CNTNAP2: variants seen among roughly 807,000 people sequenced by gnomAD.
CNTNAP2 encodes the protein contactin-associated protein-like 2.
Under a neutral mutation model 155.2 loss-of-function variants are expected in CNTNAP2, and 98 were observed. That is an observed-to-expected ratio of 0.63 (90% confidence interval 0.54 to 0.75). CNTNAP2 has a LOEUF of 0.75. CNTNAP2 is among the 30% of genes least tolerant of loss of function. CNTNAP2 has a pLI of 0.00. For missense variants in CNTNAP2, 1,727 were observed against 1,688.1 expected, an observed-to-expected ratio of 1.02 and a Z score of -0.40; for synonymous variants, 651 against 631.2, an observed-to-expected ratio of 1.03 and a Z score of -0.47.
intron 17 of CNTNAP2, among the ~76,000 whole-genome samples, chr7:148,148,716 G>T (rs1263495195): frequency 6.6e-6 from 1 of 152,214 alleles, no homozygotes; most frequent in Non-Finnish European, 1.5e-5. Context: ...GAAGCTTGAA[G>T]AGCGGTAGAA....
At chr7:146,481,005 AT>A (rs57393867) in intron 1 of CNTNAP2, among the ~76,000 whole-genome samples, 64 of 150,288 alleles carry the variant, frequency 4.3e-4, no homozygotes, top group South Asian at 2.5e-3. Context: ...ATTAATGAAA[AT>A]TTTTTTTTTC....
intron 1 of CNTNAP2, among the ~76,000 whole-genome samples, chr7:146,308,385 G>A (rs1363913730): frequency 6.6e-6 from 1 of 152,168 alleles, no homozygotes; most frequent in Non-Finnish European, 1.5e-5. Flanking sequence ...TGGTGGGATT[G>A]TAAACTAGTT....
At chr7:147,575,319 A>ATGTG (rs5888272) in intron 12 of CNTNAP2, among the ~76,000 whole-genome samples, 18 of 124,378 alleles carry the variant, frequency 1.4e-4, no homozygotes, top group African/African-American at 2.2e-4. Context: ...GGGTATATAT[A>ATGTG]TGTGTGTGTG....
chr7:146,322,242 C>T (rs1013211250), intron 1 of CNTNAP2, among the ~76,000 whole-genome samples: 2 of 152,186 alleles, frequency 1.3e-5, no homozygotes, highest in African/African-American at 4.8e-5. Context: ...CTGCCTGAAA[C>T]AGCCAGTATT....
intron 4 of CNTNAP2, chr7:147,085,792 C>G (rs1800264091): frequency 6.6e-6 from 1 of 152,142 alleles, no homozygotes; most frequent in Admixed American, 6.6e-5. Context: ...ATTCTGAAAT[C>G]CTTTTACAAG....
At chr7:147,800,758 C>T (rs1797970200) in intron 13 of CNTNAP2, among the ~76,000 whole-genome samples, 1 of 152,200 alleles carries the variant, frequency 6.6e-6, no homozygotes, top group Non-Finnish European at 1.5e-5. Context: ...AATGATGTTT[C>T]ATAATGATGG....
At chr7:147,095,186 ATTT>A (rs36113270) in intron 4 of CNTNAP2, among the ~76,000 whole-genome samples, 11 of 114,494 alleles carry the variant, frequency 9.6e-5, no homozygotes, top group Non-Finnish European at 1.1e-4. Flanking sequence ...CGCCTGGCTA[ATTT>A]TTTTTTTTTT....
intron 1 of CNTNAP2, among the ~76,000 whole-genome samples, chr7:146,543,746 A>G (rs1797988400): frequency 6.6e-6 from 1 of 151,966 alleles, no homozygotes; most frequent in Non-Finnish European, 1.5e-5. Context: ...TAGCAACTAA[A>G]CTATAAACTT....
intron 1 of CNTNAP2, among the ~76,000 whole-genome samples, chr7:146,227,931 T>C (rs1051526251): frequency 1.3e-5 from 2 of 152,224 alleles, no homozygotes; most frequent in Admixed American, 6.5e-5. Context: ...ACTGACATAC[T>C]TTCAAATTGC....
intron 1 of CNTNAP2, among the ~76,000 whole-genome samples, chr7:146,377,023 T>A (rs2191701): frequency 0.26 from 40,252 of 152,032 alleles, 6,518 homozygotes; most frequent in Admixed American, 0.42. Flanking sequence ...GAAAATAAAT[T>A]TCCATTCTTA....
chr7:147,041,986 G>A (rs961180), intron 3 of CNTNAP2, among the ~76,000 whole-genome samples: 73,934 of 152,020 alleles, frequency 0.49, 18,328 homozygotes, highest in South Asian at 0.56. Flanking sequence ...TTAATGGAAT[G>A]CTTGTTTAGA....
At chr7:146,388,454 GGTATATAGTAGGT>G (rs1358762380) in intron 1 of CNTNAP2, among the ~76,000 whole-genome samples, 2 of 151,460 alleles carry the variant, frequency 1.3e-5, no homozygotes, top group African/African-American at 4.9e-5. Context: ...AATATTTGTG[GGTATATAGTAGGT>G]GTATATATTT....
intron 1 of CNTNAP2, among the ~76,000 whole-genome samples, chr7:146,584,072 G>A (rs1342917261): frequency 6.6e-6 from 1 of 152,052 alleles, no homozygotes; most frequent in East Asian, 1.9e-4. Flanking sequence ...ATTTCTTCAA[G>A]ACAAAATATT....
intron 13 of CNTNAP2, among the ~76,000 whole-genome samples, chr7:147,894,646 T>G (rs1405158656): frequency 6.6e-6 from 1 of 152,116 alleles, no homozygotes; most frequent in Non-Finnish European, 1.5e-5. Context: ...ATTTTGGAGA[T>G]TATATACCCT....
At chr7:146,206,137 T>C (rs962906368) in intron 1 of CNTNAP2, among the ~76,000 whole-genome samples, 1 of 151,994 alleles carries the variant, frequency 6.6e-6, no homozygotes, top group African/African-American at 2.4e-5. Context: ...CATAAGTTTG[T>C]ATTGTGAATG....
At chr7:147,025,934 A>C (rs1166333641) in intron 3 of CNTNAP2, among the ~76,000 whole-genome samples, 1 of 151,658 alleles carries the variant, frequency 6.6e-6, no homozygotes, top group Non-Finnish European at 1.5e-5. Context: ...ATCTGGACTC[A>C]CTGCAACCTC....
Position 147,658,145 on chromosome 7 carries a change from T to A in CNTNAP2, c.2098+18839T>A, listed in dbSNP as rs28407127. On this transcript the variant is annotated intron_variant, in intron 13 of 23. Coordinates refer to ENST00000361727, the MANE Select transcript of CNTNAP2 (RefSeq NM_014141.6). Reference sequence around the variant, plus strand: ...AGTGGCGGGCGCCTGTGGTCCCAGCTACTTGGGAGGCTGAGGCAGGAGAAT... The same window carrying A: ...AGTGGCGGGCGCCTGTGGTCCCAGCAACTTGGGAGGCTGAGGCAGGAGAAT... Among the ~76,000 whole-genome samples the A allele has an allele frequency of 2.1e-5, 3 of 140,414 alleles. 1 individual carries two copies. Among genetic ancestry groups the A allele is most frequent in the African/African-American group, 7.8e-5 (3 of 38,538 alleles). 92.1% of individuals were successfully genotyped at this position (140,414 alleles called of 152,430 possible).
At chr7:147,512,882 A>G (rs935810066) in intron 11 of CNTNAP2, among the ~76,000 whole-genome samples, 1 of 152,212 alleles carries the variant, frequency 6.6e-6, no homozygotes, top group African/African-American at 2.4e-5. Context: ...GGTAAAATAA[A>G]TGATCTGATG....
At chr7:146,966,559 C>T (rs1797661597) in intron 3 of CNTNAP2, among the ~76,000 whole-genome samples, 1 of 152,184 alleles carries the variant, frequency 6.6e-6, no homozygotes, top group Admixed American at 6.6e-5. Context: ...ATATTTATAT[C>T]TTTGAGCTAC....
Sources: gnomAD v4.1 joint callset for allele counts (sites outside exome capture counted in the v4.1 genomes callset) on GRCh38, gnomAD v4.1.1 for gene constraint, MANE v1.5 for transcripts, NCBI Gene and HGNC (gene_info 2026-07-23, HGNC 2026-07-21) for gene names.